C16orf96: variants seen among roughly 807,000 people sequenced by gnomAD.
C16orf96 encodes the protein uncharacterized protein C16orf96.
A neutral mutation model predicts 103.6 loss-of-function variants in C16orf96; 108 were observed. The ratio of observed to expected loss-of-function variants is 1.04; its 90% confidence interval spans 0.89 to 1.22. C16orf96 has a LOEUF of 1.22. Ranked by LOEUF, C16orf96 falls within the 50% of genes most tolerant of loss-of-function variation. The pLI, the probability that C16orf96 is intolerant of heterozygous loss-of-function variation, is 0.00. For synonymous variants in C16orf96, 566 were observed against 593.5 expected (o/e 0.95, Z 0.67); for missense variants, 1,586 against 1,464.2 (o/e 1.08, Z -1.36).
At chr16:4,596,054 G>T (rs1446757032) in intron 14 of C16orf96, among the ~76,000 whole-genome samples, 1 of 152,108 alleles carries the variant, frequency 6.6e-6, no homozygotes, top group Non-Finnish European at 1.5e-5. Flanking sequence ...ATGGAAGAAG[G>T]GAAGGGGGAC....
At chr16:4,550,400 G>T in the C16orf96 span, among the ~76,000 whole-genome samples, 1 of 152,106 alleles carries the variant, frequency 6.6e-6, no homozygotes, top group Admixed American at 6.6e-5. Flanking sequence ...CATTTTGAAT[G>T]CAGTTCTGCA....
At chr16:4,577,978 C>T (rs987124326) in intron 5 of C16orf96, among the ~76,000 whole-genome samples, 3 of 151,892 alleles carry the variant, frequency 2.0e-5, no homozygotes, top group African/African-American at 4.8e-5. Flanking sequence ...TGAGTGGTGG[C>T]GCAGGCCTGT....
chr16:4,569,672 C>T (rs1431011006), intron 1 of C16orf96, among the ~76,000 whole-genome samples: 2 of 149,932 alleles, frequency 1.3e-5, no homozygotes, highest in African/African-American at 4.9e-5. Context: ...GTGAAGGTTG[C>T]CTAGGTGACA....
chr16:4,598,158 C>T (rs1897212537), intron 14 of C16orf96, among the ~76,000 whole-genome samples: 1 of 151,986 alleles, frequency 6.6e-6, no homozygotes, highest in Non-Finnish European at 1.5e-5. Context: ...TCGAGACCAA[C>T]CTGGGCAACA....
At chr16:4,595,689 T>TG (rs879349530) in intron 14 of C16orf96, among the ~76,000 whole-genome samples, 1,426 of 73,258 alleles carry the variant, frequency 0.019, 13 homozygotes, top group South Asian at 0.048. Context: ...AATTCTGGTT[T>TG]TTTGTTGTTG....
At chr16:4,540,857 C>T in the C16orf96 span, among the ~76,000 whole-genome samples, 5 of 151,926 alleles carry the variant, frequency 3.3e-5, no homozygotes, top group African/African-American at 4.8e-5. Context: ...AGTCCTCCTG[C>T]CTCAGCCTCC....
At position 4,600,308 on chromosome 16, in the gene C16orf96, C is replaced by T; in HGVS notation, c.3417C>T (p.Ala1139=). 6.5e-7 allele frequency: 1 copy of T among 1,549,112 alleles called. No individual in the cohort carries two copies. ...RVGRKPPEEP[A]NP is the part of the protein sequence containing the mutation. ...GCAGGAAGCCCCCCGAGGAGCCCGC[C>T]AACCCGTGAGCCCCACCCCGCTGCG... Residue 1139 remains alanine (A), a synonymous_variant, in exon 16 of 16, where the codon GCC becomes GCT. Coordinates refer to ENST00000444310, the MANE Select transcript of C16orf96 (RefSeq NM_001145011.2).
At chr16:4,589,113 A>G (rs1412233887) in intron 9 of C16orf96, among the ~76,000 whole-genome samples, 1 of 152,038 alleles carries the variant, frequency 6.6e-6, no homozygotes, top group Non-Finnish European at 1.5e-5. Flanking sequence ...TCCACCCCAC[A>G]TCCCTGCACT....
rs757460078 is a variant in C16orf96 at position 4,592,319 on chromosome 16, G to A, written c.2726G>A (p.Arg909His). Residue 909 changes from arginine to histidine, a missense_variant, in exon 11 of 16, where the codon CGC becomes CAC. By Grantham distance (29) the Arg-to-His change is conservative. Coordinates refer to ENST00000444310, the MANE Select transcript of C16orf96 (RefSeq NM_001145011.2). The part of the protein sequence containing the change: ...AAGFRRKLFK[R>H]VKCISCDRPV... ...GTGCCTTTCAGGAAGCTGTTCAAGC[G>A]CGTGAAGTGCATCTCCTGTGACCGG... The A allele has an allele frequency of 7.7e-6, 12 of 1,551,530 alleles. No individual in the cohort carries two copies. In the South Asian group the frequency reaches 8.3e-5, roughly 11 times the overall value.
chr16:4,580,155 G>A (rs1420703275), intron 7 of C16orf96, 30 bp downstream of exon 7: 4 of 1,447,114 alleles, frequency 2.8e-6, no homozygotes, highest in Non-Finnish European at 3.7e-6. Context: ...CTGGAGAAGG[G>A]CTGGCAAAGG....
upstream of C16orf96, among the ~76,000 whole-genome samples, chr16:4,555,002 C>G (rs965719325): frequency 7.9e-5 from 12 of 151,832 alleles, no homozygotes; most frequent in Non-Finnish European, 1.5e-4. Flanking sequence ...GTGGCTCACA[C>G]CTGTAATCCC....
intron 1 of C16orf96, among the ~76,000 whole-genome samples, chr16:4,567,148 G>A (rs1243898468): frequency 1.3e-5 from 2 of 151,882 alleles, no homozygotes; most frequent in African/African-American, 4.8e-5. Flanking sequence ...AACAATAAGT[G>A]TTCTAAGTGT....
rs2141762246 is a variant in C16orf96, at chr16:4,594,251, A to G, written c.2868-100A>G. On this transcript the variant is annotated intron_variant, in intron 12 of 15. Coordinates refer to ENST00000444310, the MANE Select transcript of C16orf96 (RefSeq NM_001145011.2). The stretch of plus-strand genomic sequence containing the variant: ...GCCAGCTAAACACAAGCTGAAAGAA[A>G]TGCTGGTCTTCCCTCGATGCTGGCC... 4 of 1,359,694 alleles carry G rather than the reference A, an allele frequency of 2.9e-6. No homozygotes were observed. In the South Asian group the frequency reaches 5.8e-5, roughly 20 times the overall value. The allele number at this position is 1,359,694 out of a possible 1,614,324, so 84.2% of individuals were successfully genotyped here. A position where few individuals can be genotyped will look rare whatever the true frequency, so the allele number is the denominator to read the frequency against.
chr16:4,552,795 A>G (rs954320182), upstream of C16orf96, among the ~76,000 whole-genome samples: 2 of 152,124 alleles, frequency 1.3e-5, no homozygotes, highest in African/African-American at 4.8e-5. Context: ...CAGATGAGAG[A>G]TCTGTTGTTC....
At chr16:4,568,451 G>A (rs1371449501) in intron 1 of C16orf96, among the ~76,000 whole-genome samples, 3 of 151,244 alleles carry the variant, frequency 2.0e-5, no homozygotes, top group South Asian at 2.1e-4. Context: ...CTGGCCTTTT[G>A]TTTTGTTAAT....
chr16:4,561,710 C>T (rs74558669), intron 1 of C16orf96: 1 of 152,354 alleles, frequency 6.6e-6, no homozygotes, highest in South Asian at 2.1e-4. Flanking sequence ...CCGAGGTTCC[C>T]ACAATGACCC....
At position 4,600,544 on chromosome 16, in the gene C16orf96, C is replaced by T. The variant is rs1205092824; in HGVS notation, c.*227C>T. 8.5e-6 allele frequency: 4 copies of T among 468,986 alleles called. No homozygotes were observed. Among genetic ancestry groups the T allele is most frequent in the East Asian group, 8.2e-5 (2 of 24,268 alleles). 29.1% of individuals were successfully genotyped at this position (468,986 alleles called of 1,614,324 possible). On this transcript the variant is annotated 3_prime_UTR_variant, in exon 16 of 16. Transcript: ENST00000444310. ...ACGTCCGAGGCTGAGACCCATATGC[C>T]CCCCCCACCCCCACCAAGTCCCGTC...
rs1020024816 is a variant in C16orf96, at chr16:4,578,953, T to C, written c.2169T>C (p.Gly723=). 1 of 1,550,982 alleles carries C rather than the reference T, an allele frequency of 6.4e-7. No homozygotes were observed. The highest frequency in any genetic ancestry group is 1.4e-5 in the African/African-American group (1 of 72,926). Residue 723 remains glycine, a synonymous_variant, in exon 6 of 16, where the codon GGT becomes GGC. Coordinates refer to ENST00000444310, the MANE Select transcript of C16orf96 (RefSeq NM_001145011.2). ...CTCTGCTTTCAGCCAATATGGGAGG[T>C]CCTTCCAGCCTCGGGACAACAGTGG... ...QRLSYLANMG[G]PSSLGTTVDI... is the part of the protein sequence containing the mutation.
chr16:4,559,658 G>A (rs900481567), intron 1 of C16orf96, among the ~76,000 whole-genome samples: 3 of 152,022 alleles, frequency 2.0e-5, no homozygotes, highest in Admixed American at 6.6e-5. Flanking sequence ...AAAATTCGGT[G>A]GCACACGATA....
Sources: gnomAD v4.1 joint callset for allele counts (sites outside exome capture counted in the v4.1 genomes callset) on GRCh38, gnomAD v4.1.1 for gene constraint, MANE v1.5 for transcripts, NCBI Gene and HGNC (gene_info 2026-07-23, HGNC 2026-07-21) for gene names.